Variants in AGMO observed in about 807,000 individuals in gnomAD.
AGMO encodes alkylglycerol monooxygenase.
AGMO carries 75 observed loss-of-function variants against 60.2 expected under a neutral mutation model. That is an observed-to-expected ratio of 1.25 (90% CI 1.03 to 1.51). The LOEUF (loss-of-function observed/expected upper bound fraction) is 1.51, where lower values mean the gene tolerates loss of function less well. AGMO is among the 40% of genes most tolerant of loss of function. AGMO has a pLI of 0.00. For synonymous variants in AGMO, 261 were observed against 177.1 expected (o/e 1.47, Z -3.76); for missense variants, 763 against 525.5 (o/e 1.45, Z -4.42).
At chr7:15,477,568 C>T (rs1334495691) in intron 3 of AGMO, among the ~76,000 whole-genome samples, 1 of 152,088 alleles carries the variant, frequency 6.6e-6, no homozygotes, top group Non-Finnish European at 1.5e-5. Context: ...TTCGGCAATT[C>T]TTGTGGGCTA....
chr7:15,282,765 G>C (rs1283657248), intron 12 of AGMO, among the ~76,000 whole-genome samples: 1 of 152,042 alleles, frequency 6.6e-6, no homozygotes, highest in East Asian at 1.9e-4. Context: ...ATTGCAAAAA[G>C]GACATCACCG....
Position 15,387,529 on chromosome 7 carries a change from T to G in AGMO, c.834A>C (p.Leu278Phe). 1 of 1,608,702 alleles carries G rather than the reference T, an allele frequency of 6.2e-7. No individual in the cohort carries two copies. Among genetic ancestry groups the G allele is most frequent in the Non-Finnish European group, 8.5e-7 (1 of 1,178,744 alleles). ...CCCAGAATGTAGTCCATATGGAAAA[T>G]AAGTGATGGAACTAGAAACAATAAA... Reference protein sequence around the residue: ...FEPIKVQFHHLFSIWTTFWAT... With the variant: ...FEPIKVQFHHFFSIWTTFWAT... Residue 278 changes from leucine (L) to phenylalanine (F), a missense_variant, in exon 9 of 13, where the codon TTA becomes TTC. By Grantham distance (22) the Leu-to-Phe change is conservative. Coordinates refer to ENST00000342526, the MANE Select transcript of AGMO (RefSeq NM_001004320.2).
intron 3 of AGMO, among the ~76,000 whole-genome samples, chr7:15,504,752 G>C (rs1783467459): frequency 6.8e-6 from 1 of 147,272 alleles, no homozygotes; most frequent in South Asian, 2.1e-4. Context: ...AAGTTGGCAA[G>C]AAAGGTTTTT....
chr7:15,265,414 G>T (rs1053097514), intron 12 of AGMO, among the ~76,000 whole-genome samples: 1 of 151,656 alleles, frequency 6.6e-6, no homozygotes, highest in African/African-American at 2.4e-5. Flanking sequence ...TAACAAACCT[G>T]CACATGTACC....
chr7:15,426,523 C>T (rs532693849), intron 4 of AGMO, among the ~76,000 whole-genome samples: 7 of 152,088 alleles, frequency 4.6e-5, no homozygotes, highest in East Asian at 1.9e-4. Context: ...CTGAGGCAGG[C>T]GGATCACTTG....
In AGMO at chr7:15,401,318, T is replaced by G. The variant is rs559592255; in HGVS notation, c.610-7139A>C. On this transcript the variant is annotated intron_variant, in intron 5 of 12. Transcript: ENST00000342526. ...ATAATTCATAATTATTTCTCTTGAT[T>G]CCTTTGATTGGCAAACATTGACTAG... Among the ~76,000 whole-genome samples the G allele has an allele frequency of 2.0e-5, 3 of 152,292 alleles. No individual in the cohort carries two copies. The East Asian group carries it at 5.8e-4, about 29-fold the overall frequency.
At chr7:15,161,841 C>T in the AGMO span, among the ~76,000 whole-genome samples, 1 of 152,046 alleles carries the variant, frequency 6.6e-6, no homozygotes, top group African/African-American at 2.4e-5. Context: ...GTGGCCTGCA[C>T]AGATGAACAA....
At chr7:15,356,080 A>G (rs183246644) in intron 12 of AGMO, among the ~76,000 whole-genome samples, 3 of 152,332 alleles carry the variant, frequency 2.0e-5, no homozygotes, top group Admixed American at 2.0e-4. Context: ...GACAATTACA[A>G]CTTCGGTGAG....
At chr7:15,234,786 T>C (rs1782368695) in intron 12 of AGMO, among the ~76,000 whole-genome samples, 1 of 152,206 alleles carries the variant, frequency 6.6e-6, no homozygotes, top group South Asian at 2.1e-4. Context: ...GAATTTTACA[T>C]CATTTCATAT....
chr7:15,387,379 A>G (rs1232093660), intron 9 of AGMO, 27 bp downstream of exon 9: 3 of 1,605,852 alleles, frequency 1.9e-6, no homozygotes, highest in Admixed American at 1.7e-5. Flanking sequence ...AATCTTCACC[A>G]TCTCCAATTC....
intron 12 of AGMO, among the ~76,000 whole-genome samples, chr7:15,212,487 C>A (rs987292475): frequency 9.9e-5 from 15 of 151,760 alleles, no homozygotes; most frequent in Non-Finnish European, 2.1e-4. Context: ...TTGTACAGAC[C>A]TTATTTCTAA....
intron 3 of AGMO, among the ~76,000 whole-genome samples, chr7:15,443,295 C>T (rs1781611633): frequency 6.6e-6 from 1 of 152,174 alleles, no homozygotes; most frequent in Admixed American, 6.5e-5. Context: ...AAACATTCAC[C>T]CCTAGATGCT....
the AGMO span, among the ~76,000 whole-genome samples, chr7:15,153,750 T>C: frequency 8.5e-5 from 13 of 152,306 alleles, no homozygotes; most frequent in Admixed American, 5.9e-4. Flanking sequence ...CCTTAAAGTA[T>C]AGTTTGAAAT....
chr7:15,475,937 A>C (rs1782583611), intron 3 of AGMO, among the ~76,000 whole-genome samples: 1 of 152,088 alleles, frequency 6.6e-6, no homozygotes, highest in Admixed American at 6.6e-5. Context: ...TTTTCAAACC[A>C]TAGGGTAGAA....
At chr7:15,526,434 A>G (rs1460466790) in intron 3 of AGMO, among the ~76,000 whole-genome samples, 7 of 152,162 alleles carry the variant, frequency 4.6e-5, no homozygotes, top group Non-Finnish European at 7.3e-5. Context: ...TAAATTACCT[A>G]TAACCTGCAA....
chr7:15,331,560 A>G (rs529904182), intron 12 of AGMO, among the ~76,000 whole-genome samples: 1 of 152,314 alleles, frequency 6.6e-6, no homozygotes, highest in South Asian at 2.1e-4. Context: ...CTCTGCAGCC[A>G]ACACTATGTG....
chr7:15,290,391 A>G (rs1282130938), intron 12 of AGMO, among the ~76,000 whole-genome samples: 1 of 152,174 alleles, frequency 6.6e-6, no homozygotes, highest in Non-Finnish European at 1.5e-5. Flanking sequence ...GGAGCATAGA[A>G]AATTTTCTAG....
the AGMO span, among the ~76,000 whole-genome samples, chr7:15,158,017 T>C: frequency 3.3e-5 from 5 of 152,330 alleles, no homozygotes; most frequent in South Asian, 2.1e-4. Flanking sequence ...TAGGCACTAT[T>C]ATATTCAATA....
chr7:15,547,974 C>T (rs747767795), intron 2 of AGMO, among the ~76,000 whole-genome samples: 4 of 147,056 alleles, frequency 2.7e-5, no homozygotes, highest in Admixed American at 1.3e-4. Context: ...GATCTGAGAA[C>T]AGGCAGACTG....
Sources: allele counts gnomAD v4.1 joint callset (sites outside exome capture counted in the v4.1 genomes callset), GRCh38; gene constraint gnomAD v4.1.1; transcripts MANE v1.5; gene names NCBI Gene and HGNC (gene_info 2026-07-23, HGNC 2026-07-21).